The following PDE3B variants were observed in gnomAD, a reference collection of about 807,000 sequenced individuals.
PDE3B encodes cGMP-inhibited 3',5'-cyclic phosphodiesterase 3B.
PDE3B carries 66 observed loss-of-function variants against 116.8 expected under a neutral mutation model. The observed-to-expected ratio is 0.56, with a 90% CI of 0.46 to 0.69. PDE3B has a LOEUF of 0.69. Among genes scored for constraint, PDE3B ranks in the 30% least tolerant of loss-of-function variants. The pLI is 0.00. For synonymous variants in PDE3B, 595 were observed against 533.6 expected, an observed-to-expected ratio of 1.12 and a Z score of -1.59; for missense variants, 1,384 against 1,368.1, an observed-to-expected ratio of 1.01 and a Z score of -0.18.
the PDE3B span, among the ~76,000 whole-genome samples, chr11:14,884,646 A>G: frequency 2.0e-5 from 3 of 152,090 alleles, no homozygotes; most frequent in Middle Eastern, 3.4e-3. Flanking sequence ...CTAACCTGCA[A>G]ATTGTGCACC....
chr11:14,688,761 G>GT (rs1487398920), intron 1 of PDE3B, among the ~76,000 whole-genome samples: 3 of 151,858 alleles, frequency 2.0e-5, no homozygotes, highest in African/African-American at 2.4e-5. Context: ...CACATATTTG[G>GT]TTTTTTTGTT....
intron 11 of PDE3B, 53 bp downstream of exon 11, chr11:14,835,148 G>A: frequency 8.8e-7 from 1 of 1,139,310 alleles, no homozygotes; most frequent in Non-Finnish European, 1.3e-6. Context: ...AGTAAATCAA[G>A]CTTTCTCATT....
intron 14 of PDE3B, among the ~76,000 whole-genome samples, chr11:14,867,079 AG>A (rs1287168441): frequency 6.7e-6 from 1 of 150,180 alleles, no homozygotes; most frequent in African/African-American, 2.4e-5. Context: ...AAAAAAAAAA[AG>A]GGGGTGGAGG....
intron 2 of PDE3B, among the ~76,000 whole-genome samples, chr11:14,778,808 G>A (rs1359602480): frequency 2.6e-5 from 4 of 152,236 alleles, no homozygotes; most frequent in Non-Finnish European, 5.9e-5. Flanking sequence ...AACAAAGCTG[G>A]ACGGAGAATG....
the PDE3B span, among the ~76,000 whole-genome samples, chr11:14,894,402 T>G: frequency 1.3e-5 from 2 of 152,256 alleles, no homozygotes; most frequent in Admixed American, 1.3e-4. Context: ...AACCCTGCCT[T>G]TGCAACACCA....
At chr11:14,808,059 C>T (rs1049950188) in intron 5 of PDE3B, among the ~76,000 whole-genome samples, 1 of 67,386 alleles carries the variant, frequency 1.5e-5, no homozygotes, top group Non-Finnish European at 3.0e-5. Context: ...GCCTTCGTCT[C>T]AAAAAAAAAA....
At chr11:14,778,118 A>AG (rs1857846723) in intron 2 of PDE3B, among the ~76,000 whole-genome samples, 1 of 152,124 alleles carries the variant, frequency 6.6e-6, no homozygotes, top group Admixed American at 6.5e-5. Context: ...AGGCTGGGGG[A>AG]GGGGTGCCCA....
At chr11:14,876,012 G>A (rs551646699), downstream of PDE3B, among the ~76,000 whole-genome samples, 1 of 152,220 alleles carries the variant, frequency 6.6e-6, no homozygotes, top group African/African-American at 2.4e-5. Context: ...CAGCAGTAGT[G>A]GTGTACTCAA....
intron 1 of PDE3B, among the ~76,000 whole-genome samples, chr11:14,721,690 C>T (rs371903194): frequency 7.0e-4 from 69 of 98,554 alleles, no homozygotes; most frequent in South Asian, 2.8e-3. Context: ...AACCAAACAC[C>T]GCATATTCTC....
At chr11:14,888,456 C>T in the PDE3B span, among the ~76,000 whole-genome samples, 2 of 152,146 alleles carry the variant, frequency 1.3e-5, no homozygotes, top group African/African-American at 4.8e-5. Context: ...CATTAAGTGA[C>T]TGCCACACTT....
In PDE3B at chr11:14,861,629, C is replaced by T. The variant is rs571508370; in HGVS notation, c.2886+263C>T. 1.1e-4 allele frequency among the ~76,000 whole-genome samples: 16 copies of T among 152,116 alleles called. No individual in the cohort carries two copies. The East Asian group carries it at 2.7e-3, about 26-fold the overall frequency. ...GTCTACAGGTAAGGCTGTTAGCAGC[C>T]GCAAATCCGAGTTTGCAGCAACCTC... On this transcript the variant is annotated intron_variant, in intron 14 of 15. Coordinates refer to ENST00000282096, the MANE Select transcript of PDE3B (RefSeq NM_000922.4).
chr11:14,859,511 A>G (rs1460679825), intron 13 of PDE3B, among the ~76,000 whole-genome samples: 2 of 152,198 alleles, frequency 1.3e-5, no homozygotes, highest in Non-Finnish European at 2.9e-5. Context: ...TATTTTTCAC[A>G]TAGAAACAAA....
chr11:14,730,096 C>T (rs1159711363), intron 1 of PDE3B, among the ~76,000 whole-genome samples: 3 of 152,270 alleles, frequency 2.0e-5, no homozygotes, highest in African/African-American at 7.2e-5. Context: ...CACTCACTTG[C>T]CCCTCACGTT....
At chr11:14,736,739 T>C (rs1241951193) in intron 1 of PDE3B, among the ~76,000 whole-genome samples, 1 of 152,172 alleles carries the variant, frequency 6.6e-6, no homozygotes, top group Admixed American at 6.5e-5. Context: ...GATAGATACA[T>C]GCCATTCTGA....
chr11:14,879,486 A>G, the PDE3B span: 2 of 1,451,092 alleles, frequency 1.4e-6, no homozygotes, highest in East Asian at 2.3e-5. Context: ...AGTTCTTAGA[A>G]TTATACCTAA....
rs752217432 is a variant in PDE3B at position 14,831,819 on chromosome 11, T to C, written c.2094+42T>C. The C allele has an allele frequency of 2.0e-6, 3 of 1,476,114 alleles. No individual in the cohort carries two copies. In the East Asian group the frequency reaches 7.0e-5, roughly 35 times the overall value. 91.4% of individuals were successfully genotyped at this position (1,476,114 alleles called of 1,614,324 possible). ...CTACTTTTTAACTGTAAATTAATTT[T>C]TCTTAAATCTTTATAAAAAGCAAAA... On this transcript the variant is annotated intron_variant, in intron 9 of 15. Transcript: ENST00000282096.
chr11:14,806,460 AT>A (rs1202963964), intron 5 of PDE3B, among the ~76,000 whole-genome samples: 4 of 151,088 alleles, frequency 2.6e-5, no homozygotes, highest in African/African-American at 4.9e-5. Context: ...AAAAAAAAAA[AT>A]CATGCTACTA....
intron 1 of PDE3B, among the ~76,000 whole-genome samples, chr11:14,751,247 TG>T (rs1208923120): frequency 1.3e-5 from 2 of 152,212 alleles, no homozygotes; most frequent in Non-Finnish European, 2.9e-5. Flanking sequence ...GTTAGAATTT[TG>T]TAGTGTTGCA....
At chr11:14,839,973 C>T (rs931321831) in intron 11 of PDE3B, among the ~76,000 whole-genome samples, 1 of 152,180 alleles carries the variant, frequency 6.6e-6, no homozygotes, top group Non-Finnish European at 1.5e-5. Context: ...ATAACTGATA[C>T]ATTTGAAATT....
Sources: allele counts gnomAD v4.1 joint callset (sites outside exome capture counted in the v4.1 genomes callset), GRCh38; gene constraint gnomAD v4.1.1; transcripts MANE v1.5; gene names NCBI Gene and HGNC (gene_info 2026-07-23, HGNC 2026-07-21).